Variants in MAP3K5 observed in about 807,000 individuals in gnomAD.
The protein encoded by MAP3K5 is mitogen-activated protein kinase kinase kinase 5, also known as ASK-1.
Under a neutral mutation model 158.7 loss-of-function variants are expected in MAP3K5, and 56 were observed. That is an observed-to-expected ratio of 0.35 (90% CI 0.28 to 0.44). MAP3K5 has a LOEUF of 0.44. Ranked by LOEUF, MAP3K5 falls within the 20% of genes least tolerant of loss-of-function variation. MAP3K5 has a pLI of 1.00. For missense variants in MAP3K5, 1,294 were observed against 1,674.8 expected, an observed-to-expected ratio of 0.77 and a Z score of 3.97; for synonymous variants, 579 against 601.7, an observed-to-expected ratio of 0.96 and a Z score of 0.55.
Position 136,600,330 on chromosome 6 carries a change from C to T in MAP3K5, c.2878+692G>A, listed in dbSNP as rs1190231721. ...CCTCAGCCTCCCTAGTAGCTGGGAC[C>T]ATAGGCATGCACCACCGCACCCAGC... On this transcript the variant is annotated intron_variant, in intron 21 of 29. Transcript: ENST00000359015. Among the ~76,000 whole-genome samples, 3 of 151,558 alleles carry T rather than the reference C, an allele frequency of 2.0e-5. No homozygotes were observed. The East Asian group carries it at 5.8e-4, about 29-fold the overall frequency.
intron 1 of MAP3K5, among the ~76,000 whole-genome samples, chr6:136,767,567 T>C (rs1252000673): frequency 3.3e-5 from 5 of 151,758 alleles, no homozygotes; most frequent in Non-Finnish European, 7.4e-5. Flanking sequence ...CCAGCTGTCA[T>C]GAAAATCAAG....
chr6:136,745,143 G>GTTTTTTGTTTTTTTTTTT (rs1782878481), intron 1 of MAP3K5, among the ~76,000 whole-genome samples: 1 of 108,072 alleles, frequency 9.3e-6, no homozygotes. Flanking sequence ...AGTCATTAAA[G>GTTTTTTGTTTTTTTTTTT]TTTTTTTTTT....
intron 21 of MAP3K5, among the ~76,000 whole-genome samples, chr6:136,594,716 ATTG>A (rs977224319): frequency 1.3e-5 from 2 of 152,124 alleles, no homozygotes; most frequent in African/African-American, 4.8e-5. Flanking sequence ...CAAAGACAAA[ATTG>A]TTGTTTCTTG....
At chr6:136,691,895 T>C (rs989651131) in intron 7 of MAP3K5, among the ~76,000 whole-genome samples, 1 of 152,174 alleles carries the variant, frequency 6.6e-6, no homozygotes. Context: ...TGTTCATCTT[T>C]TCAAGTAGAT....
Position 136,694,320 on chromosome 6 carries a change from A to C in MAP3K5, c.1083-10T>G, listed in dbSNP as rs1420152002. On this transcript the variant is annotated splice_polypyrimidine_tract_variant and intron_variant, in intron 6 of 29. Coordinates refer to ENST00000359015, the MANE Select transcript of MAP3K5 (RefSeq NM_005923.4). ...ACCAGGGAGATTTCTCCTAAGGCAG[A>C]AAACATTGTTGTTTCAATATACATT... The C allele has an allele frequency of 6.2e-7, 1 of 1,604,112 alleles. No individual in the cohort carries two copies. The highest frequency in any genetic ancestry group is 8.5e-7 in the Non-Finnish European group (1 of 1,177,940).
At chr6:136,629,334 C>T (rs1387230531) in intron 14 of MAP3K5, 3 of 152,226 alleles carry the variant, frequency 2.0e-5, no homozygotes, top group South Asian at 4.1e-4. Context: ...GTCTGTATGG[C>T]CTTCTTTATA....
At chr6:136,602,186 C>G (rs1775908072) in intron 19 of MAP3K5, among the ~76,000 whole-genome samples, 1 of 152,202 alleles carries the variant, frequency 6.6e-6, no homozygotes. Flanking sequence ...ACCAATGGCA[C>G]AGGCAGAATA....
At chr6:136,769,763 GGAAGGA>G (rs1784104801) in intron 1 of MAP3K5, among the ~76,000 whole-genome samples, 1 of 36,770 alleles carries the variant, frequency 2.7e-5, no homozygotes, top group African/African-American at 1.4e-4. Flanking sequence ...AAGGAAGGAA[GGAAGGA>G]AGGAAGGAAG....
intron 21 of MAP3K5, among the ~76,000 whole-genome samples, chr6:136,596,062 C>A (rs1232656828): frequency 6.7e-6 from 1 of 150,192 alleles, no homozygotes; most frequent in African/African-American, 2.5e-5. Context: ...TAGATAGAAC[C>A]TCAGCAGCCT....
chr6:136,788,683 A>G (rs1246050588), intron 1 of MAP3K5, among the ~76,000 whole-genome samples: 1 of 152,248 alleles, frequency 6.6e-6, no homozygotes, highest in African/African-American at 2.4e-5. Flanking sequence ...AGAAATGCAA[A>G]TCAAAACCAC....
At chr6:136,696,134 C>A in intron 5 of MAP3K5, 77 bp from the exon 6 acceptor site, 1 of 776,290 alleles carries the variant, frequency 1.3e-6, no homozygotes, top group South Asian at 1.7e-5. Flanking sequence ...TTTTGACAAC[C>A]AGATATCTGA....
intron 1 of MAP3K5, among the ~76,000 whole-genome samples, chr6:136,769,866 G>A (rs1363532998): frequency 8.9e-6 from 1 of 112,724 alleles, no homozygotes; most frequent in Non-Finnish European, 1.9e-5. Flanking sequence ...GGAAGGGGAA[G>A]TGGAAGTGGA....
chr6:136,634,344 G>A (rs1179906686), intron 14 of MAP3K5, among the ~76,000 whole-genome samples: 1 of 152,152 alleles, frequency 6.6e-6, no homozygotes, highest in South Asian at 2.1e-4. Flanking sequence ...GAGCATCCCT[G>A]TAAACATGCA....
chr6:136,557,965 A>G (rs924267984), intron 29 of MAP3K5, 147 bp from the exon 30 acceptor site: 8 of 610,894 alleles, frequency 1.3e-5, no homozygotes, highest in Non-Finnish European at 1.2e-5. Context: ...CTTTTTGTAT[A>G]TTTTTTCTCA....
At chr6:136,685,989 C>A (rs1030917161) in intron 7 of MAP3K5, among the ~76,000 whole-genome samples, 5 of 152,076 alleles carry the variant, frequency 3.3e-5, no homozygotes, top group African/African-American at 1.2e-4. Flanking sequence ...TGCACTACAG[C>A]GGAAACTGGA....
Position 136,658,313 on chromosome 6 carries a change from C to CTTTTTTTTTTT in MAP3K5, c.1526+895_1526+905dup, listed in dbSNP as rs57535051. Among the ~76,000 whole-genome samples the CTTTTTTTTTTT allele has an allele frequency of 2.1e-4, 19 of 90,480 alleles. 1 individual carries two copies. Among genetic ancestry groups the CTTTTTTTTTTT allele is most frequent in the African/African-American group, 5.2e-4 (12 of 23,104 alleles). The allele number at this position is 90,480 out of a possible 152,430, so 59.4% of individuals were successfully genotyped here. A position where few individuals can be genotyped will look rare whatever the true frequency, so the allele number is the denominator to read the frequency against. On this transcript the variant is annotated intron_variant, in intron 9 of 29. Coordinates refer to ENST00000359015, the MANE Select transcript of MAP3K5 (RefSeq NM_005923.4). ...TTTTCTTTTCTTTCTTTCTTTCTTTCTTTTTTTTTTTTTTTTTTTGAGACA... is the reference window on the plus strand; with the variant it reads ...TTTTCTTTTCTTTCTTTCTTTCTTTCTTTTTTTTTTTTTTTTTTTTTTTTTTTTTTGAGACA...
intron 1 of MAP3K5, among the ~76,000 whole-genome samples, chr6:136,774,017 A>G (rs1784312698): frequency 6.6e-6 from 1 of 151,758 alleles, no homozygotes; most frequent in African/African-American, 2.4e-5. Flanking sequence ...TCTTTATCCT[A>G]CCCCTTCCTT....
At chr6:136,786,686 C>G (rs1194904641) in intron 1 of MAP3K5, among the ~76,000 whole-genome samples, 1 of 151,120 alleles carries the variant, frequency 6.6e-6, no homozygotes, top group African/African-American at 2.4e-5. Flanking sequence ...AAATAGTAAA[C>G]AGATCAAGAA....
intron 17 of MAP3K5, among the ~76,000 whole-genome samples, chr6:136,612,809 C>T (rs1776401668): frequency 6.6e-6 from 1 of 152,134 alleles, no homozygotes; most frequent in African/African-American, 2.4e-5. Context: ...CTCCTCAGGA[C>T]CAGGGGCCAT....
Sources: gnomAD v4.1 joint callset for allele counts (sites outside exome capture counted in the v4.1 genomes callset) on GRCh38, gnomAD v4.1.1 for gene constraint, MANE v1.5 for transcripts, NCBI Gene and HGNC (gene_info 2026-07-23, HGNC 2026-07-21) for gene names.